The following AASS variants were observed in gnomAD, a reference collection of about 807,000 sequenced individuals.
The protein encoded by AASS is alpha-aminoadipic semialdehyde synthase, mitochondrial.
AASS carries 86 observed loss-of-function variants against 105.4 expected under a neutral mutation model. The observed-to-expected ratio is 0.82, with a 90% CI of 0.69 to 0.98. The LOEUF is 0.98. AASS is among the 50% of genes least tolerant of loss of function. The probability of loss-of-function intolerance (pLI) is 0.00; values close to 1 mark genes in which losing one functional copy is unlikely to be tolerated. For synonymous variants in AASS, 381 were observed against 394.8 expected (o/e 0.96, Z 0.41); for missense variants, 1,048 against 1,143.2 (o/e 0.92, Z 1.20).
chr7:122,098,355 A>C, intron 15 of AASS, 95 bp downstream of exon 15: 1 of 1,432,486 alleles, frequency 7.0e-7, no homozygotes, highest in Non-Finnish European at 9.7e-7. Context: ...ACTTTACTCC[A>C]AAGGAGTATG....
In AASS at chr7:122,113,631, A is replaced by C; in HGVS notation, c.1133T>G (p.Met378Arg). The C allele has an allele frequency of 1.2e-6, 2 of 1,613,806 alleles. No homozygotes were observed. The highest frequency in any genetic ancestry group is 1.7e-6 in the Non-Finnish European group (2 of 1,179,944). The change falls in exon 10 of 24, where the codon ATG becomes AGG. Residue 378 changes from methionine (M) to arginine (R), a missense_variant. Coordinates refer to ENST00000417368, the MANE Select transcript of AASS (RefSeq NM_005763.4). ...ECTTIEHPFCMYDADQHIIHD... is the reference protein window; with the variant it reads ...ECTTIEHPFCRYDADQHIIHD... ...AATAATATGCTGGTCTGCATCATACATGCAAAAGGGATGCTCTATTGTTGT... is the reference window on the plus strand; with the variant it reads ...AATAATATGCTGGTCTGCATCATACCTGCAAAAGGGATGCTCTATTGTTGT...
intron 1 of AASS, among the ~76,000 whole-genome samples, chr7:122,140,485 C>CAACAAAAAAAAAAAAAAAAAAAAAAAAA (rs1796336709): frequency 2.7e-5 from 1 of 37,328 alleles, no homozygotes; most frequent in Non-Finnish European, 4.7e-5. Context: ...GACTCAGTCT[C>CAACAAAAAAAAAAAAAAAAAAAAAAAAA]AAAAAAAAAA....
At chr7:122,112,943 A>G (rs1009867686) in intron 11 of AASS, among the ~76,000 whole-genome samples, 175 bp downstream of exon 11, 1 of 152,216 alleles carries the variant, frequency 6.6e-6, no homozygotes, top group Non-Finnish European at 1.5e-5. Flanking sequence ...ATACCCCAAG[A>G]GACAAGTAAG....
At chr7:122,130,113 C>T (rs1237964864) in intron 2 of AASS, among the ~76,000 whole-genome samples, 3 of 151,912 alleles carry the variant, frequency 2.0e-5, no homozygotes, top group African/African-American at 7.2e-5. Flanking sequence ...AAAACATGAT[C>T]AGCAGTATCT....
chr7:122,125,432 A>T (rs2150546705), intron 4 of AASS, among the ~76,000 whole-genome samples: 1 of 152,308 alleles, frequency 6.6e-6, no homozygotes, highest in Non-Finnish European at 1.5e-5. Flanking sequence ...TACTTCCTGC[A>T]GAAAGGGTAC....
At chr7:122,142,313 G>T (rs1796439172) in intron 1 of AASS, among the ~76,000 whole-genome samples, 1 of 152,246 alleles carries the variant, frequency 6.6e-6, no homozygotes, top group African/African-American at 2.4e-5. Flanking sequence ...AAGCCTCCAG[G>T]CTTGCCTACT....
Position 122,099,150 on chromosome 7 carries a change from A to G in AASS, c.1407-284T>C, listed in dbSNP as rs1794315220. On this transcript the variant is annotated intron_variant, in intron 13 of 23. Transcript: ENST00000417368. ...ATGTATTTCATGAATTCCCAGTATT[A>G]CTAGTGAGGTGCAGATGCTGGACAT... 2.0e-5 allele frequency among the ~76,000 whole-genome samples: 3 copies of G among 151,930 alleles called. No homozygotes were observed. The South Asian group carries it at 6.2e-4, about 31-fold the overall frequency.
intron 11 of AASS, among the ~76,000 whole-genome samples, chr7:122,107,874 A>G: frequency 6.7e-6 from 1 of 149,962 alleles, no homozygotes; most frequent in East Asian, 2.0e-4. Flanking sequence ...CTGCACATGT[A>G]CCCCTGAACC....
At chr7:122,099,213 C>T (rs1000401106) in intron 13 of AASS, among the ~76,000 whole-genome samples, 1 of 151,878 alleles carries the variant, frequency 6.6e-6, no homozygotes, top group African/African-American at 2.4e-5. Context: ...CTTGGTCTCA[C>T]ATTTTATCCT....
chr7:122,085,845 T>G (rs886678679), intron 19 of AASS, among the ~76,000 whole-genome samples, 167 bp downstream of exon 19: 1 of 152,154 alleles, frequency 6.6e-6, no homozygotes, highest in Non-Finnish European at 1.5e-5. Context: ...TATCTTTTTA[T>G]TTTGAGGTGA....
intron 6 of AASS, among the ~76,000 whole-genome samples, chr7:122,118,098 CATAT>C (rs574271982): frequency 2.2e-3 from 331 of 152,132 alleles, no homozygotes; most frequent in Middle Eastern, 6.8e-3. Context: ...TACACACACA[CATAT>C]ATATACACAC....
rs201869933 is a variant in AASS at position 122,116,735 on chromosome 7, C to T, written c.792G>A (p.Val264=). 3 of 1,614,110 alleles carry T rather than the reference C, an allele frequency of 1.9e-6. No homozygotes were observed. The highest frequency in any genetic ancestry group is 2.5e-6 in the Non-Finnish European group (3 of 1,180,004). The change falls in exon 8 of 24, where the codon GTG becomes GTA. Residue 264 remains valine, a synonymous_variant. Transcript: ENST00000417368. ...TGDLRKVYGT[V]LSRHHHLVRK... Reference sequence around the variant, plus strand: ...TGACAAGATGATGATGACGACTTAACACCGTCCCATACACTTTTCTGAGGT... The same window carrying T: ...TGACAAGATGATGATGACGACTTAATACCGTCCCATACACTTTTCTGAGGT...
chr7:122,080,565 C>G (rs542545977), intron 20 of AASS, among the ~76,000 whole-genome samples: 1 of 152,010 alleles, frequency 6.6e-6, no homozygotes, highest in Non-Finnish European at 1.5e-5. Flanking sequence ...AAAGGTAAAA[C>G]TTAAGATTGG....
chr7:122,124,174 G>A (rs1205617560), intron 4 of AASS, among the ~76,000 whole-genome samples: 1 of 152,080 alleles, frequency 6.6e-6, no homozygotes, highest in Non-Finnish European at 1.5e-5. Flanking sequence ...CTACTTCCCT[G>A]AATCATTTTT....
At chr7:122,141,590 AAAAC>A (rs1013040386) in intron 1 of AASS, among the ~76,000 whole-genome samples, 62 of 151,674 alleles carry the variant, frequency 4.1e-4, no homozygotes, top group Admixed American at 2.7e-3. Context: ...ATGCAGCAAG[AAAAC>A]AAACAAACAA....
intron 11 of AASS, among the ~76,000 whole-genome samples, chr7:122,106,427 A>G (rs1298657120): frequency 6.6e-6 from 1 of 152,120 alleles, no homozygotes; most frequent in Non-Finnish European, 1.5e-5. Context: ...TATGGAACCA[A>G]AAAGAAGCAG....
intron 1 of AASS, among the ~76,000 whole-genome samples, chr7:122,136,798 C>T (rs979231695): frequency 2.6e-5 from 4 of 152,072 alleles, no homozygotes; most frequent in Non-Finnish European, 5.9e-5. Flanking sequence ...ATAATTTAAT[C>T]CCTCCCCTCT....
chr7:122,125,541 G>A (rs1795619564), intron 4 of AASS, among the ~76,000 whole-genome samples: 1 of 152,146 alleles, frequency 6.6e-6, no homozygotes, highest in Admixed American at 6.5e-5. Flanking sequence ...GGTTTCCATT[G>A]GCTGGAACGA....
chr7:122,081,444 A>ATACCT, intron 20 of AASS, 56 bp downstream of exon 20: 1 of 1,346,728 alleles, frequency 7.4e-7, no homozygotes, highest in South Asian at 1.2e-5. Flanking sequence ...ACCCCCGACC[A>ATACCT]TTTCAGAAGG....
Sources: gnomAD v4.1 joint callset for allele counts (sites outside exome capture counted in the v4.1 genomes callset) on GRCh38, gnomAD v4.1.1 for gene constraint, MANE v1.5 for transcripts, NCBI Gene and HGNC (gene_info 2026-07-23, HGNC 2026-07-21) for gene names.